The following KPNB1 variants were observed in gnomAD, a reference collection of about 807,000 sequenced individuals.
KPNB1 encodes the protein importin subunit beta-1.
KPNB1 carries 7 observed loss-of-function variants against 113.0 expected under a neutral mutation model. The observed-to-expected ratio is 0.06, with a 90% confidence interval of 0.04 to 0.12. The LOEUF (loss-of-function observed/expected upper bound fraction) is 0.12. Among genes scored for constraint, KPNB1 ranks in the 10% least tolerant of loss-of-function variants. The pLI is 1.00. For missense variants in KPNB1, 400 were observed against 1,054.8 expected (o/e 0.38, Z 8.60); for synonymous variants, 363 against 378.6 (o/e 0.96, Z 0.48).
At chr17:47,673,195 G>A (rs2030500109) in intron 13 of KPNB1, 30 bp downstream of exon 13, 2 of 1,610,656 alleles carry the variant, frequency 1.2e-6, no homozygotes, top group Admixed American at 1.7e-5. Context: ...CTGACTATGG[G>A]TGGGAATTGG....
rs1166648701 is a variant in KPNB1, at chr17:47,675,361, G to GTTTTTTTTTTTTT, written c.1912+589_1912+590insTTTTTTTTTTTTT. Among the ~76,000 whole-genome samples, 522 of 88,578 alleles carry GTTTTTTTTTTTTT rather than the reference G, an allele frequency of 5.9e-3. 109 individuals are homozygous for GTTTTTTTTTTTTT. Among genetic ancestry groups the GTTTTTTTTTTTTT allele is most frequent in the Non-Finnish European group, 8.1e-3 (350 of 43,262 alleles). 58.1% of individuals were successfully genotyped at this position (88,578 alleles called of 152,430 possible). A position where few individuals can be genotyped will look rare whatever the true frequency, so the allele number is the denominator to read the frequency against. On this transcript the variant is annotated intron_variant, in intron 15 of 21. Coordinates refer to ENST00000290158, the MANE Select transcript of KPNB1 (RefSeq NM_002265.6). ...TGCAACGGAGATTGGCAGAGGTGTT[G>GTTTTTTTTTTTTT]TTTTTTTTTTGTTTTTTTTTTTTGT... is the stretch of plus-strand genomic sequence containing the variant.
chr17:47,670,521 G>A (rs2030414103), intron 11 of KPNB1, 181 bp from the exon 12 acceptor site: 2 of 487,086 alleles, frequency 4.1e-6, no homozygotes. Context: ...TGAACAGGAA[G>A]TACAAATCAA....
chr17:47,675,372 G>GT lies in KPNB1; in HGVS notation c.1912+602dup, dbSNP rs755565036. ...TTGGCAGAGGTGTTGTTTTTTTTTT[G>GT]TTTTTTTTTTTTGTTTGTTTTTTTT... On this transcript the variant is annotated intron_variant, in intron 15 of 21. Coordinates refer to ENST00000290158, the MANE Select transcript of KPNB1 (RefSeq NM_002265.6). Among the ~76,000 whole-genome samples the GT allele has an allele frequency of 2.4e-3, 206 of 86,040 alleles. 8 individuals carry two copies. Among genetic ancestry groups the GT allele is most frequent in the East Asian group, 4.9e-3 (13 of 2,636 alleles). 56.4% of individuals were successfully genotyped at this position (86,040 alleles called of 152,430 possible).
At chr17:47,666,432 T>C (rs1567891345) in intron 9 of KPNB1, among the ~76,000 whole-genome samples, 1 of 144,020 alleles carries the variant, frequency 6.9e-6, no homozygotes, top group Admixed American at 7.1e-5. Flanking sequence ...ATTTTATATA[T>C]ATATTATATA....
At chr17:47,672,402 AT>A (rs200275684) in intron 12 of KPNB1, among the ~76,000 whole-genome samples, 3,884 of 146,772 alleles carry the variant, frequency 0.026, 121 homozygotes, top group East Asian at 0.11. Flanking sequence ...AAATTGGGGT[AT>A]TTTTTTTTTT....
chr17:47,650,151 C>T lies in KPNB1; in HGVS notation c.-94C>T. On this transcript the variant is annotated 5_prime_UTR_variant, in exon 1 of 22. Coordinates refer to ENST00000290158, the MANE Select transcript of KPNB1 (RefSeq NM_002265.6). ...CGCCCCCCACCCCACCCTCCCTTCC[C>T]ACCCGACCCCCAACCCCCATCCCCA... The T allele has an allele frequency of 1.5e-6, 1 of 652,792 alleles. No homozygotes were observed. Among genetic ancestry groups the T allele is most frequent in the East Asian group, 1.3e-4 (1 of 7,790 alleles). 40.4% of individuals were successfully genotyped at this position (652,792 alleles called of 1,614,324 possible). A position where few individuals can be genotyped will look rare whatever the true frequency, so the allele number is the denominator to read the frequency against.
intron 6 of KPNB1, 117 bp from the exon 7 acceptor site, chr17:47,662,972 A>G (rs2030152989): frequency 2.8e-6 from 2 of 726,004 alleles, no homozygotes; most frequent in Middle Eastern, 3.5e-4. Flanking sequence ...GGAAATGATA[A>G]CGTATCCCAT....
At position 47,683,039 on chromosome 17, in the gene KPNB1, C is replaced by T. The variant is rs1375044328; in HGVS notation, c.*635C>T. ...CCAGAAAACAAGGGGTTAGATGTTGCATTTCATAAAACTAACCGAAGTTTT... is the reference window on the plus strand; with the variant it reads ...CCAGAAAACAAGGGGTTAGATGTTGTATTTCATAAAACTAACCGAAGTTTT... On this transcript the variant is annotated 3_prime_UTR_variant, in exon 22 of 22. Coordinates refer to ENST00000290158, the MANE Select transcript of KPNB1 (RefSeq NM_002265.6). 8.4e-6 allele frequency: 1 copy of T among 119,500 alleles called. No individual in the cohort carries two copies. The highest frequency in any genetic ancestry group is 3.3e-5 in the African/African-American group (1 of 30,722). 7.4% of individuals were successfully genotyped at this position (119,500 alleles called of 1,614,324 possible).
chr17:47,676,499 G>A lies in KPNB1; in HGVS notation c.1995+8G>A, dbSNP rs754150817. 18 of 1,600,020 alleles carry A rather than the reference G, an allele frequency of 1.1e-5. No homozygotes were observed. The highest frequency in any genetic ancestry group is 1.7e-5 in the Admixed American group (1 of 59,980). On this transcript the variant is annotated splice_region_variant and intron_variant, in intron 16 of 21. Transcript: ENST00000290158. ...AATTATGCTGAATACCAGGTAGGAT[G>A]TGCTTTTCAAAATAGTATGTTCCCA... is the stretch of plus-strand genomic sequence containing the variant.
intron 15 of KPNB1, among the ~76,000 whole-genome samples, chr17:47,675,358 G>GTTTTTTTTTTTTTTTTT (rs1555619221): frequency 1.1e-5 from 1 of 88,808 alleles, no homozygotes; most frequent in East Asian, 2.8e-4. Context: ...TGGCAGAGGT[G>GTTTTTTTTTTTTTTTTT]TTGTTTTTTT....
At chr17:47,674,521 G>A in intron 14 of KPNB1, 117 bp from the exon 15 acceptor site, 2 of 918,412 alleles carry the variant, frequency 2.2e-6, no homozygotes, top group Non-Finnish European at 3.3e-6. Context: ...AAATACATTT[G>A]GCATTCCCAA....
chr17:47,664,391 A>G, intron 8 of KPNB1, 122 bp downstream of exon 8: 1 of 661,884 alleles, frequency 1.5e-6, no homozygotes, highest in Admixed American at 2.6e-5. Context: ...ATTGGCAGAG[A>G]TTTTGATTTT....
chr17:47,679,059 A>G (rs531153725), intron 19 of KPNB1, among the ~76,000 whole-genome samples: 81 of 151,876 alleles, frequency 5.3e-4, no homozygotes, highest in Middle Eastern at 3.4e-3. Flanking sequence ...AGCTGGGACT[A>G]CAGGCACACA....
chr17:47,679,877 T>A lies in KPNB1; in HGVS notation c.2354-143T>A, dbSNP rs1015968953. On this transcript the variant is annotated intron_variant, in intron 19 of 21. Transcript: ENST00000290158. ...ACGCCCGGCTAATTTTTTTGTATTT[T>A]TAGTAGAGACGGGGTTTCACCGAGT... 5.2e-6 allele frequency: 3 copies of A among 579,714 alleles called. No individual in the cohort carries two copies. The East Asian group carries it at 8.8e-5, about 17-fold the overall frequency. The allele number at this position is 579,714 out of a possible 1,614,324, so 35.9% of individuals were successfully genotyped here. A position where few individuals can be genotyped will look rare whatever the true frequency, so the allele number is the denominator to read the frequency against.
At chr17:47,675,495 C>T (rs532814565) in intron 15 of KPNB1, among the ~76,000 whole-genome samples, 1 of 151,126 alleles carries the variant, frequency 6.6e-6, no homozygotes, top group African/African-American at 2.4e-5. Flanking sequence ...CCTGCCTCAG[C>T]CTTCTGAGTA....
chr17:47,671,532 A>C (rs1371566019), intron 12 of KPNB1, among the ~76,000 whole-genome samples: 1 of 44,884 alleles, frequency 2.2e-5, no homozygotes, highest in African/African-American at 5.4e-5. Context: ...ATTTTATTTT[A>C]TTAATTAATT....
chr17:47,650,023 C>G lies in KPNB1; in HGVS notation c.-222C>G. 7.3e-7 allele frequency: 1 copy of G among 1,367,332 alleles called. No individual in the cohort carries two copies. The highest frequency in any genetic ancestry group is 9.4e-7 in the Non-Finnish European group (1 of 1,066,498). 84.7% of individuals were successfully genotyped at this position (1,367,332 alleles called of 1,614,324 possible). ...AGCTGCCCCCAGGGTCCCTCCCCCGCCGCCAGCAGCCCATTTGGAGGGAGG... is the reference window on the plus strand; with the variant it reads ...AGCTGCCCCCAGGGTCCCTCCCCCGGCGCCAGCAGCCCATTTGGAGGGAGG... On this transcript the variant is annotated 5_prime_UTR_variant, in exon 1 of 22. Transcript: ENST00000290158.
intron 9 of KPNB1, among the ~76,000 whole-genome samples, chr17:47,665,950 A>G (rs745471265): frequency 3.9e-5 from 6 of 152,346 alleles, no homozygotes; most frequent in African/African-American, 7.2e-5. Flanking sequence ...ATAATTCTCA[A>G]TATAGCAGTT....
At position 47,680,149 on chromosome 17, in the gene KPNB1, G is replaced by C. The variant is rs762700803; in HGVS notation, c.2468+15G>C. The C allele has an allele frequency of 2.1e-6, 3 of 1,457,246 alleles. No homozygotes were observed. The highest frequency in any genetic ancestry group is 9.6e-7 in the Non-Finnish European group (1 of 1,037,418). The allele number at this position is 1,457,246 out of a possible 1,614,324, so 90.3% of individuals were successfully genotyped here. On this transcript the variant is annotated intron_variant, in intron 20 of 21. Coordinates refer to ENST00000290158, the MANE Select transcript of KPNB1 (RefSeq NM_002265.6). ...GGACTAATAGGGTAAGTTATACCCT[G>C]CTTCTAAGAGCTGAATAGAACTTCT...
Sources: allele counts gnomAD v4.1 joint callset (sites outside exome capture counted in the v4.1 genomes callset), GRCh38; gene constraint gnomAD v4.1.1; transcripts MANE v1.5; gene names NCBI Gene and HGNC (gene_info 2026-07-23, HGNC 2026-07-21).